DNM3: variants seen among roughly 807,000 people sequenced by gnomAD.
DNM3 encodes dynamin-3.
Under a neutral mutation model 101.6 loss-of-function variants are expected in DNM3, and 47 were observed. The ratio of observed to expected loss-of-function variants is 0.46; its 90% confidence interval spans 0.37 to 0.59. The LOEUF (loss-of-function observed/expected upper bound fraction) is 0.59, where lower values mean the gene tolerates loss of function less well. Among genes scored for constraint, DNM3 ranks in the 20% least tolerant of loss-of-function variants. The pLI is 0.00. For synonymous variants in DNM3, 385 were observed against 387.9 expected (o/e 0.99, Z 0.09); for missense variants, 849 against 1,085.7 (o/e 0.78, Z 3.06).
At chr1:172,106,953 C>T (rs1442800716) in intron 13 of DNM3, among the ~76,000 whole-genome samples, 2 of 147,382 alleles carry the variant, frequency 1.4e-5, no homozygotes, top group Admixed American at 1.4e-4. Context: ...CTCCGCTTCC[C>T]GGGTTCACGC....
At chr1:172,149,873 C>T (rs1435466061) in intron 14 of DNM3, among the ~76,000 whole-genome samples, 2 of 151,824 alleles carry the variant, frequency 1.3e-5, no homozygotes, top group Non-Finnish European at 2.9e-5. Context: ...GATGGGGATA[C>T]ATGTTAAGCA....
chr1:171,922,625 C>T (rs2040266632), intron 2 of DNM3, among the ~76,000 whole-genome samples: 1 of 152,196 alleles, frequency 6.6e-6, no homozygotes, highest in Non-Finnish European at 1.5e-5. Flanking sequence ...GCAACCATCT[C>T]CACAATCAGC....
intron 13 of DNM3, among the ~76,000 whole-genome samples, chr1:172,102,818 C>T (rs1381443932): frequency 1.3e-5 from 2 of 152,088 alleles, no homozygotes; most frequent in Non-Finnish European, 2.9e-5. Flanking sequence ...CTCTGTTTTA[C>T]AAGTGTGGTG....
intron 15 of DNM3, among the ~76,000 whole-genome samples, chr1:172,260,359 A>G (rs1228881978): frequency 6.6e-6 from 1 of 152,032 alleles, no homozygotes; most frequent in Non-Finnish European, 1.5e-5. Context: ...GGAATGTCTA[A>G]ATATTTTGCT....
intron 14 of DNM3, among the ~76,000 whole-genome samples, chr1:172,148,144 C>T (rs1392100874): frequency 2.0e-5 from 3 of 152,038 alleles, no homozygotes; most frequent in African/African-American, 4.8e-5. Flanking sequence ...TCTTATAGTG[C>T]TTATATTTCC....
At chr1:171,849,121 A>G (rs1183646841) in intron 1 of DNM3, among the ~76,000 whole-genome samples, 1 of 152,176 alleles carries the variant, frequency 6.6e-6, no homozygotes, top group Non-Finnish European at 1.5e-5. Context: ...AGACTAATCT[A>G]TTTGATAAGT....
In DNM3 at chr1:172,150,439, A is replaced by G. The variant is rs533708596; in HGVS notation, c.1659+19151A>G. On this transcript the variant is annotated intron_variant, in intron 14 of 20. Coordinates refer to ENST00000627582, the MANE Select transcript of DNM3 (RefSeq NM_015569.5). ...TGCCATTTCACTGCCACTCAGGAGG[A>G]GACTACAAAAGCTATAGAGACAATA... 5.3e-5 allele frequency among the ~76,000 whole-genome samples: 8 copies of G among 152,310 alleles called. No individual in the cohort carries two copies. In the East Asian group the frequency reaches 1.2e-3, roughly 22 times the overall value.
At chr1:172,112,375 A>G (rs888045237) in intron 13 of DNM3, among the ~76,000 whole-genome samples, 5 of 152,192 alleles carry the variant, frequency 3.3e-5, no homozygotes, top group Non-Finnish European at 1.5e-5. Context: ...CCAGCACCAG[A>G]GCTGGGGCTC....
rs756468578 is a variant in DNM3 at position 172,379,093 on chromosome 1, C to T, written c.1969C>T (p.Arg657Cys). ...ATTGGAGAGGCAAGTGGAGACCATT[C>T]GCAACCTCGTAGACTCCTACATGTC... ...PQLERQVETI[R>C]NLVDSYMSII... Residue 657 changes from arginine to cysteine, a missense_variant, in exon 18 of 21, where the codon CGC (arginine) becomes TGC (cysteine). Transcript: ENST00000627582. 15 of 1,612,182 alleles carry T rather than the reference C, an allele frequency of 9.3e-6. No individual in the cohort carries two copies. The highest frequency in any genetic ancestry group is 6.7e-5 in the East Asian group (3 of 44,822).
intron 13 of DNM3, among the ~76,000 whole-genome samples, chr1:172,107,082 G>T (rs975693799): frequency 2.7e-5 from 4 of 149,510 alleles, no homozygotes; most frequent in African/African-American, 9.9e-5. Flanking sequence ...GGATGGTCTC[G>T]ATCTCCTGAC....
At chr1:172,188,495 G>A (rs1020221875) in intron 14 of DNM3, among the ~76,000 whole-genome samples, 1 of 151,994 alleles carries the variant, frequency 6.6e-6, no homozygotes, top group African/African-American at 2.4e-5. Flanking sequence ...TTAAAAATCT[G>A]CCCCTCTTGT....
rs766435059 is a variant in DNM3 at position 172,044,377 on chromosome 1, A to G, written c.1129-8A>G. 6.2e-7 allele frequency: 1 copy of G among 1,603,408 alleles called. No homozygotes were observed. Among genetic ancestry groups the G allele is most frequent in the Admixed American group, 1.7e-5 (1 of 58,750 alleles). On this transcript the variant is annotated splice_region_variant and splice_polypyrimidine_tract_variant and intron_variant, in intron 8 of 20. Transcript: ENST00000627582. ...GTGTCATAACTATGGCTCATTTTGCATCTGCAGATGGAGTTCAATGAGAAA... is the reference window on the plus strand; with the variant it reads ...GTGTCATAACTATGGCTCATTTTGCGTCTGCAGATGGAGTTCAATGAGAAA...
intron 14 of DNM3, among the ~76,000 whole-genome samples, chr1:172,243,971 C>T (rs1311883618): frequency 1.3e-5 from 2 of 152,028 alleles, no homozygotes; most frequent in African/African-American, 2.4e-5. Context: ...CCCACTAACT[C>T]GTCATCTAGC....
At chr1:171,893,977 C>A (rs1046543888) in intron 1 of DNM3, among the ~76,000 whole-genome samples, 1 of 152,098 alleles carries the variant, frequency 6.6e-6, no homozygotes, top group African/African-American at 2.4e-5. Context: ...GCACGCACTG[C>A]CACACCAAGC....
chr1:172,008,930 T>TAAATATTAATAAATATATTATATTAATA (rs2046902077), intron 4 of DNM3, among the ~76,000 whole-genome samples: 2 of 137,266 alleles, frequency 1.5e-5, no homozygotes, highest in African/African-American at 5.3e-5. Context: ...TTATATTAAT[T>TAAATATTAATAAATATATTATATTAATA]AAATATTAAT....
At chr1:172,112,859 G>T (rs2055584557) in intron 13 of DNM3, among the ~76,000 whole-genome samples, 1 of 152,206 alleles carries the variant, frequency 6.6e-6, no homozygotes, top group African/African-American at 2.4e-5. Context: ...AGACATCCAT[G>T]TAAAGTGCAC....
intron 14 of DNM3, among the ~76,000 whole-genome samples, chr1:172,135,766 T>C (rs1169677052): frequency 6.6e-6 from 1 of 152,036 alleles, no homozygotes; most frequent in Non-Finnish European, 1.5e-5. Context: ...TTGAAAAAAA[T>C]GATGGCTTTT....
intron 17 of DNM3, among the ~76,000 whole-genome samples, chr1:172,359,355 T>C (rs909450231): frequency 3.3e-5 from 5 of 151,986 alleles, no homozygotes; most frequent in Non-Finnish European, 5.9e-5. Context: ...ATTACTTTTT[T>C]TTTAGATTCC....
chr1:172,357,518 A>C (rs1211975920), intron 17 of DNM3, among the ~76,000 whole-genome samples: 3 of 152,122 alleles, frequency 2.0e-5, no homozygotes, highest in Non-Finnish European at 4.4e-5. Flanking sequence ...GTACAAAATA[A>C]CTGGTCAATA....
Sources: gnomAD v4.1 joint callset for allele counts (sites outside exome capture counted in the v4.1 genomes callset) on GRCh38, gnomAD v4.1.1 for gene constraint, MANE v1.5 for transcripts, NCBI Gene and HGNC (gene_info 2026-07-23, HGNC 2026-07-21) for gene names.